Variants in UNC5C observed in about 807,000 individuals in gnomAD.
The protein encoded by UNC5C is unc-5 netrin receptor C, also known as netrin receptor UNC5C.
In UNC5C, 47 loss-of-function variants were observed where a neutral mutation model predicts 99.8. The ratio of observed to expected loss-of-function variants is 0.47; its 90% CI spans 0.37 to 0.60. UNC5C has a LOEUF of 0.60. UNC5C is among the 20% of genes least tolerant of loss of function. The pLI is 0.00. For missense variants in UNC5C, 1,062 were observed against 1,165.9 expected, an observed-to-expected ratio of 0.91 and a Z score of 1.30; for synonymous variants, 487 against 452.2, an observed-to-expected ratio of 1.08 and a Z score of -0.98.
In UNC5C at chr4:95,163,324, T is replaced by C. The variant is rs151305179; in HGVS notation, c.*5910A>G. 6.6e-6 allele frequency: 1 copy of C among 152,332 alleles called. No homozygotes were observed. The highest frequency in any genetic ancestry group is 1.5e-5 in the Non-Finnish European group (1 of 68,036). The allele number at this position is 152,332 out of a possible 1,614,324, so 9.4% of individuals were successfully genotyped here. On this transcript the variant is annotated 3_prime_UTR_variant, in exon 16 of 16. Transcript: ENST00000453304. ...ACACCAGCTGTAGATTTCTTGCTCT[T>C]ATATGTCACTCCGAACAGAGTTGTT...
intron 1 of UNC5C, among the ~76,000 whole-genome samples, chr4:95,528,668 T>G (rs927108219): frequency 6.6e-6 from 1 of 152,006 alleles, no homozygotes; most frequent in Non-Finnish European, 1.5e-5. Context: ...ACTGCAGAAA[T>G]GTAGTATAAC....
At chr4:95,508,345 G>A (rs1450312910) in intron 1 of UNC5C, among the ~76,000 whole-genome samples, 1 of 85,476 alleles carries the variant, frequency 1.2e-5, no homozygotes, top group Non-Finnish European at 2.6e-5. Context: ...TCTAAGACAA[G>A]TGCTTAATAA....
At chr4:95,417,289 T>G (rs1746195695) in intron 1 of UNC5C, among the ~76,000 whole-genome samples, 1 of 152,230 alleles carries the variant, frequency 6.6e-6, no homozygotes. Flanking sequence ...TTCACAGATA[T>G]TAGCCCCGTA....
chr4:95,252,809 C>T (rs542166900), intron 4 of UNC5C, among the ~76,000 whole-genome samples: 2 of 152,338 alleles, frequency 1.3e-5, no homozygotes, highest in South Asian at 2.1e-4. Context: ...AAGGGAATGA[C>T]GGTGACACCA....
At chr4:95,354,261 G>A (rs753760889) in intron 1 of UNC5C, among the ~76,000 whole-genome samples, 14 of 151,698 alleles carry the variant, frequency 9.2e-5, no homozygotes, top group Admixed American at 3.3e-4. Context: ...GTAGCTCCTC[G>A]TTTCCTATAA....
chr4:95,535,814 G>A (rs1014095558), intron 1 of UNC5C, among the ~76,000 whole-genome samples: 43 of 151,678 alleles, frequency 2.8e-4, no homozygotes, highest in African/African-American at 8.9e-4. Flanking sequence ...GCACACACGG[G>A]TGCACACATA....
chr4:95,400,949 C>T (rs1340898738), intron 1 of UNC5C, among the ~76,000 whole-genome samples: 1 of 152,234 alleles, frequency 6.6e-6, no homozygotes, highest in East Asian at 1.9e-4. Context: ...GCTGCCAAAT[C>T]ACATATGGAG....
intron 7 of UNC5C, among the ~76,000 whole-genome samples, chr4:95,236,375 T>C (rs891437855): frequency 1.1e-4 from 16 of 146,418 alleles, no homozygotes; most frequent in African/African-American, 3.6e-4. Context: ...CAGGTGGGAA[T>C]TGAACGATGA....
At chr4:95,308,353 T>C (rs1254859985) in intron 2 of UNC5C, among the ~76,000 whole-genome samples, 1 of 152,040 alleles carries the variant, frequency 6.6e-6, no homozygotes, top group Admixed American at 6.6e-5. Context: ...CCATGTATAA[T>C]AGCTATAAAA....
At chr4:95,490,323 G>A (rs778158982) in intron 1 of UNC5C, among the ~76,000 whole-genome samples, 3 of 151,674 alleles carry the variant, frequency 2.0e-5, no homozygotes, top group Non-Finnish European at 4.4e-5. Context: ...TTTCAAGACA[G>A]TTCTGCCAAT....
chr4:95,187,947 A>G (rs1313193452), intron 12 of UNC5C, among the ~76,000 whole-genome samples: 1 of 152,230 alleles, frequency 6.6e-6, no homozygotes, highest in Admixed American at 6.5e-5. Flanking sequence ...GGCTATAAAC[A>G]TGTTTGCCAG....
intron 1 of UNC5C, among the ~76,000 whole-genome samples, chr4:95,507,940 T>G (rs1721969727): frequency 6.6e-6 from 1 of 152,036 alleles, no homozygotes; most frequent in Admixed American, 6.6e-5. Context: ...ATGTTTAGTA[T>G]CAATGTTACC....
chr4:95,205,758 A>G (rs1420801664), intron 11 of UNC5C, among the ~76,000 whole-genome samples: 1 of 152,194 alleles, frequency 6.6e-6, no homozygotes, highest in Non-Finnish European at 1.5e-5. Context: ...GGGTTCTAAT[A>G]TAAAGAACTA....
chr4:95,173,788 A>G lies in UNC5C; in HGVS notation c.2452-3456T>C, dbSNP rs558809011. On this transcript the variant is annotated intron_variant, in intron 14 of 15. Coordinates refer to ENST00000453304, the MANE Select transcript of UNC5C (RefSeq NM_003728.4). Reference sequence around the variant, plus strand: ...GTTAGGGAGGATTCCCTCTTTTTCTATTGATTGGAATAGTTTCAGAAGGAA... The same window carrying G: ...GTTAGGGAGGATTCCCTCTTTTTCTGTTGATTGGAATAGTTTCAGAAGGAA... Among the ~76,000 whole-genome samples the G allele has an allele frequency of 1.8e-3, 271 of 152,132 alleles. 1 individual carries two copies. The highest frequency in any genetic ancestry group is 5.7e-3 in the African/African-American group (238 of 41,502).
intron 5 of UNC5C, among the ~76,000 whole-genome samples, chr4:95,250,265 C>G (rs1007895644): frequency 1.3e-5 from 2 of 152,036 alleles, no homozygotes; most frequent in African/African-American, 2.4e-5. Context: ...GCCTGTAATA[C>G]CAGCTACTCC....
intron 1 of UNC5C, among the ~76,000 whole-genome samples, chr4:95,361,759 A>G (rs1560804333): frequency 6.6e-6 from 1 of 152,116 alleles, no homozygotes; most frequent in Admixed American, 6.6e-5. Flanking sequence ...AAAAGCTTCT[A>G]CCTACTTGTA....
Position 95,548,777 on chromosome 4 carries a change from G to A in UNC5C, c.81C>T (p.Ala27=), listed in dbSNP as rs192514499. Residue 27 remains alanine, a synonymous_variant, in exon 1 of 16, where the codon GCC becomes GCT. Coordinates refer to ENST00000453304, the MANE Select transcript of UNC5C (RefSeq NM_003728.4). ...GYLLQMLVLP[A]LALLSASGTG... is the part of the protein sequence containing the mutation. ...TGCCGCTGGCGCTGAGCAGGGCCAG[G>A]GCAGGTAGCACGAGCATTTGCAGCA... is the stretch of plus-strand genomic sequence containing the variant. The A allele has an allele frequency of 6.2e-7, 1 of 1,613,514 alleles. No homozygotes were observed. The highest frequency in any genetic ancestry group is 8.5e-7 in the Non-Finnish European group (1 of 1,179,960).
chr4:95,281,044 A>G (rs747782688), intron 3 of UNC5C, among the ~76,000 whole-genome samples: 2 of 152,200 alleles, frequency 1.3e-5, no homozygotes, highest in Non-Finnish European at 2.9e-5. Context: ...AGTGAATATC[A>G]TTTATGAGCT....
At chr4:95,176,182 G>C (rs1426691909) in intron 14 of UNC5C, among the ~76,000 whole-genome samples, 6 of 151,986 alleles carry the variant, frequency 3.9e-5, no homozygotes, top group Non-Finnish European at 7.4e-5. Flanking sequence ...TTTGCCTTTG[G>C]TTTGAATTTC....
Sources: allele counts gnomAD v4.1 joint callset (sites outside exome capture counted in the v4.1 genomes callset), GRCh38; gene constraint gnomAD v4.1.1; transcripts MANE v1.5; gene names NCBI Gene and HGNC (gene_info 2026-07-23, HGNC 2026-07-21).